The following ADAMTS13 variants were observed in gnomAD, a reference collection of about 807,000 sequenced individuals.
ADAMTS13 encodes ADAM metallopeptidase with thrombospondin type 1 motif 13, also known as A disintegrin and metalloproteinase with thrombospondin motifs 13.
A neutral mutation model predicts 155.1 loss-of-function variants in ADAMTS13; 110 were observed. The observed-to-expected ratio is 0.71, with a 90% confidence interval of 0.61 to 0.83. ADAMTS13 has a LOEUF of 0.83. ADAMTS13 is among the 40% of genes least tolerant of loss of function. The pLI, the probability that ADAMTS13 is intolerant of heterozygous loss-of-function variation, is 0.00. For missense variants in ADAMTS13, 1,707 were observed against 1,891.7 expected, an observed-to-expected ratio of 0.90 and a Z score of 1.81; for synonymous variants, 758 against 756.4, an observed-to-expected ratio of 1.00 and a Z score of -0.03.
At position 133,433,698 on chromosome 9, in the gene ADAMTS13, C is replaced by T; in HGVS notation, c.1302C>T (p.Asn434=). The part of the protein sequence containing the change: ...VGADLQAEMC[N]TQACEKTQLE... ...CTGACCTCCAGGCCGAGATGTGCAA[C>T]ACTCAGGTAGGCCTGCTTCCTGGGG... The change falls in exon 11 of 29, where the codon AAC becomes AAT. Residue 434 remains asparagine (N), a synonymous_variant. Coordinates refer to ENST00000355699, the MANE Select transcript of ADAMTS13 (RefSeq NM_139027.6). 2 of 1,613,482 alleles carry T rather than the reference C, an allele frequency of 1.2e-6. No homozygotes were observed. The highest frequency in any genetic ancestry group is 2.2e-5 in the East Asian group (1 of 44,870).
Position 133,448,601 on chromosome 9 carries a change from C to A in ADAMTS13, c.2734C>A (p.Leu912Met). The A allele has an allele frequency of 1.2e-6, 2 of 1,609,940 alleles. No homozygotes were observed. The highest frequency in any genetic ancestry group is 2.2e-5 in the South Asian group (2 of 91,026). The change falls in exon 22 of 29, where the codon CTG becomes ATG. Residue 912 changes from leucine (L) to methionine (M), a missense_variant and splice_region_variant. Physicochemically the swap from Leu to Met is conservative, Grantham distance 15. Transcript: ENST00000355699. Reference protein sequence around the residue: ...GSCSVSCGRGLMELRFLCMDS... With the variant: ...GSCSVSCGRGMMELRFLCMDS... ...GGGTCTCTGCTTTGTCCACGCAGGT[C>A]TGATGGAGCTGCGTTTCCTGTGCAT... is the stretch of plus-strand genomic sequence containing the variant.
chr9:133,442,055 G>A (rs36221448), intron 16 of ADAMTS13, among the ~76,000 whole-genome samples: 82 of 152,332 alleles, frequency 5.4e-4, no homozygotes, highest in African/African-American at 1.9e-3. Flanking sequence ...CCAGTGTCCT[G>A]TGCACTGTGC....
At chr9:133,433,822 G>A in intron 11 of ADAMTS13, 118 bp downstream of exon 11, 1 of 1,274,024 alleles carries the variant, frequency 7.8e-7, no homozygotes, top group Non-Finnish European at 1.1e-6. Context: ...GGGGCCAGGT[G>A]AGGTGGCTTA....
rs1842671237 is a variant in ADAMTS13, at chr9:133,455,295, C to G, written c.3260C>G (p.Ser1087Cys). Residue 1087 changes from serine to cysteine, a missense_variant, in exon 25 of 29, where the codon TCC (serine) becomes TGC (cysteine). By Grantham distance (112) the Ser-to-Cys change is moderately radical. Around this residue, in one of 3 missense-constraint regions of ADAMTS13, gnomAD observed 961 missense variants for 1,107.9 expected, o/e 0.87. Coordinates refer to ENST00000355699, the MANE Select transcript of ADAMTS13 (RefSeq NM_139027.6). ...HVGTWMECSV[S>C]CGDGIQRRRD... Reference sequence around the variant, plus strand: ...CCCCTCTCTTGGCAGTGCTCTGTTTCCTGTGGGGATGGCATCCAGCGCCGG... The same window carrying G: ...CCCCTCTCTTGGCAGTGCTCTGTTTGCTGTGGGGATGGCATCCAGCGCCGG... 1 of 1,602,544 alleles carries G rather than the reference C, an allele frequency of 6.2e-7. No homozygotes were observed. The highest frequency in any genetic ancestry group is 1.3e-5 in the African/African-American group (1 of 74,934).
chr9:133,447,596 CT>C (rs985075271), intron 21 of ADAMTS13, among the ~76,000 whole-genome samples: 1 of 147,410 alleles, frequency 6.8e-6, no homozygotes, highest in Non-Finnish European at 1.5e-5. Context: ...TCTTTTTTTT[CT>C]TTTTTTTGAG....
Position 133,425,145 on chromosome 9 carries a change from T to C in ADAMTS13, c.331-384T>C, listed in dbSNP as rs1554784912. Among the ~76,000 whole-genome samples, 4 of 152,150 alleles carry C rather than the reference T, an allele frequency of 2.6e-5. No homozygotes were observed. The highest frequency in any genetic ancestry group is 2.9e-5 in the Non-Finnish European group (2 of 68,018). On this transcript the variant is annotated intron_variant, in intron 3 of 28. Transcript: ENST00000355699. The surrounding 1 kb of genome is among the most constrained non-coding windows in gnomAD (Gnocchi z 4.6). The stretch of plus-strand genomic sequence containing the variant: ...TTCAAGACCAGCCTGGCCAACATGG[T>C]GAAACCCCGTAGCTACTAAAAATAC...
At chr9:133,431,976 A>C (rs587652495) in intron 8 of ADAMTS13, among the ~76,000 whole-genome samples, 4 of 152,342 alleles carry the variant, frequency 2.6e-5, no homozygotes, top group Admixed American at 2.6e-4. Flanking sequence ...ATTTTAAAAG[A>C]AATTAGGCCA....
rs368075892 is a variant in ADAMTS13 at position 133,433,579 on chromosome 9, T to C, written c.1244+50T>C. The C allele has an allele frequency of 2.6e-5, 42 of 1,613,702 alleles. No homozygotes were observed. In the African/African-American group the frequency reaches 4.9e-4, roughly 19 times the overall value. ...GTCAGGGAGTGTGGCCATACCATAGTCCCTAGTTGAAGGCAGTGGTCACCC... is the reference window on the plus strand; with the variant it reads ...GTCAGGGAGTGTGGCCATACCATAGCCCCTAGTTGAAGGCAGTGGTCACCC... On this transcript the variant is annotated intron_variant, in intron 10 of 28. Transcript: ENST00000355699.
Position 133,422,402 on chromosome 9 carries a change from C to G in ADAMTS13, c.-42C>G. The G allele has an allele frequency of 1.3e-6, 2 of 1,570,796 alleles. No individual in the cohort carries two copies. Among genetic ancestry groups the G allele is most frequent in the Non-Finnish European group, 1.7e-6 (2 of 1,144,686 alleles). On this transcript the variant is annotated 5_prime_UTR_variant, in exon 1 of 29. Transcript: ENST00000355699. ...GACCAGATTCCCAGTCACCAAGGCC[C>G]CCTCTCACTCCGCTCCACTCCTCGG...
intron 14 of ADAMTS13, among the ~76,000 whole-genome samples, chr9:133,438,613 G>A (rs2130856096): frequency 6.6e-6 from 1 of 152,064 alleles, no homozygotes; most frequent in East Asian, 1.9e-4. Flanking sequence ...TAGCCGTGCT[G>A]CAAAAAAAAC....
rs782297535 is a variant in ADAMTS13, at chr9:133,459,101, G to A, written c.4037G>A (p.Arg1346Gln). The change falls in exon 29 of 29, where the codon CGG becomes CAG. Residue 1346 changes from arginine (R) to glutamine (Q), a missense_variant. Around this residue, in one of 3 missense-constraint regions of ADAMTS13, gnomAD observed 961 missense variants for 1,107.9 expected, o/e 0.87. Transcript: ENST00000355699. Reference sequence around the variant, plus strand: ...TTCCTGAAGGCTCAGGCCAGCCTGCGGGGCCAGTACTGGACCCTCCAATCA... The same window carrying A: ...TTCCTGAAGGCTCAGGCCAGCCTGCAGGGCCAGTACTGGACCCTCCAATCA... ...EGFLKAQASL[R>Q]GQYWTLQSWV... 5.0e-6 allele frequency: 8 copies of A among 1,612,760 alleles called. No individual in the cohort carries two copies. The highest frequency in any genetic ancestry group is 3.3e-5 in the South Asian group (3 of 91,014).
Position 133,440,415 on chromosome 9 carries a change from C to T in ADAMTS13, c.1858C>T (p.Leu620Phe). 6.2e-7 allele frequency: 1 copy of T among 1,613,934 alleles called. No individual in the cohort carries two copies. The highest frequency in any genetic ancestry group is 8.5e-7 in the Non-Finnish European group (1 of 1,180,004). ...SISPNTTYPS[L>F]LEDGRVEYRV... ...CTCCCCTAACACCACCTACCCCTCC[C>T]TCCTGGAGGATGGTCGTGTCGAGTA... Residue 620 changes from leucine to phenylalanine, a missense_variant, in exon 16 of 29, where the codon CTC becomes TTC. Physicochemically the swap from Leu to Phe is conservative, Grantham distance 22. Around this residue, in one of 3 missense-constraint regions of ADAMTS13, gnomAD observed 961 missense variants for 1,107.9 expected, o/e 0.87. Transcript: ENST00000355699. This position sits in a 1 kb window ranked among gnomAD's most constrained non-coding sequence, Gnocchi z 4.3.
At chr9:133,434,375 A>G (rs1554788400) in intron 11 of ADAMTS13, among the ~76,000 whole-genome samples, 2 of 152,038 alleles carry the variant, frequency 1.3e-5, no homozygotes, top group Admixed American at 1.3e-4. Flanking sequence ...GTGCTATCTC[A>G]GCTCACTGCA....
intron 23 of ADAMTS13, among the ~76,000 whole-genome samples, 165 bp downstream of exon 23, chr9:133,450,130 T>C (rs1554793973): frequency 6.6e-6 from 1 of 151,566 alleles, no homozygotes; most frequent in Non-Finnish European, 1.5e-5. Context: ...AGACCTCATC[T>C]CTAAAAAAAA....
intron 1 of ADAMTS13, among the ~76,000 whole-genome samples, chr9:133,416,803 TG>T (rs1564399651): frequency 6.6e-6 from 1 of 152,222 alleles, no homozygotes; most frequent in African/African-American, 2.4e-5. Flanking sequence ...ATAGCGATGA[TG>T]GAAGTGTCCA....
chr9:133,420,916 A>G (rs1033145924), upstream of ADAMTS13, among the ~76,000 whole-genome samples: 6 of 151,788 alleles, frequency 4.0e-5, no homozygotes, highest in African/African-American at 9.7e-5. Context: ...AGCCAGAAAC[A>G]GGGCTATGGC....
intron 23 of ADAMTS13, among the ~76,000 whole-genome samples, chr9:133,453,814 T>G (rs1305056702): frequency 3.3e-5 from 5 of 152,176 alleles, no homozygotes; most frequent in African/African-American, 4.8e-5. Context: ...TTTGGTTCAC[T>G]GCCACCTCCC....
intron 6 of ADAMTS13, among the ~76,000 whole-genome samples, 178 bp downstream of exon 6, chr9:133,426,523 G>T (rs994353304): frequency 1.3e-5 from 2 of 152,182 alleles, no homozygotes; most frequent in Admixed American, 1.3e-4. Flanking sequence ...TTGATTAAAA[G>T]AACTTTTTTT....
At position 133,425,047 on chromosome 9, in the gene ADAMTS13, A is replaced by G. The variant is rs587701371; in HGVS notation, c.331-482A>G. On this transcript the variant is annotated intron_variant, in intron 3 of 28. Transcript: ENST00000355699. The surrounding 1 kb of genome is among the most constrained non-coding windows in gnomAD (Gnocchi z 4.6). ...CCGTCTCAGAAAGACAAACAAGGCC[A>G]GGCGCGGTGGCTCATGCCTATAATC... Among the ~76,000 whole-genome samples, 70 of 152,352 alleles carry G rather than the reference A, an allele frequency of 4.6e-4. 1 individual carries two copies. Among genetic ancestry groups the G allele is most frequent in the African/African-American group, 1.6e-3 (68 of 41,592 alleles).
Sources: gnomAD v4.1 joint callset for allele counts (sites outside exome capture counted in the v4.1 genomes callset) on GRCh38, gnomAD v4.1.1 for gene constraint, gnomAD v4.1.1 regional missense constraint, Gnocchi (gnomAD v3.1) non-coding constraint, MANE v1.5 for transcripts, NCBI Gene and HGNC (gene_info 2026-07-23, HGNC 2026-07-21) for gene names.